Variants in HKDC1 observed in about 807,000 individuals in gnomAD.
HKDC1 encodes hexokinase HKDC1.
In HKDC1, 66 loss-of-function variants were observed where a neutral mutation model predicts 96.6. The ratio of observed to expected loss-of-function variants is 0.68; its 90% CI spans 0.56 to 0.84. The LOEUF (loss-of-function observed/expected upper bound fraction) is 0.84, where lower values mean the gene tolerates loss of function less well. Ranked by LOEUF, HKDC1 falls within the 40% of genes least tolerant of loss-of-function variation. The pLI, the probability that HKDC1 is intolerant of heterozygous loss-of-function variation, is 0.00. For missense variants in HKDC1, 1,211 were observed against 1,208.1 expected (o/e 1.00, Z -0.04); for synonymous variants, 466 against 473.1 (o/e 0.98, Z 0.20).
chr10:69,258,916 G>C lies in HKDC1; in HGVS notation c.2173G>C (p.Asp725His). 5 of 1,601,742 alleles carry C rather than the reference G, an allele frequency of 3.1e-6. No individual in the cohort carries two copies. Among genetic ancestry groups the C allele is most frequent in the Non-Finnish European group, 4.3e-6 (5 of 1,174,208 alleles). Residue 725 changes from aspartate to histidine, a missense_variant, in exon 15 of 18, where the codon GAC (aspartate) becomes CAC (histidine). Coordinates refer to ENST00000354624, the MANE Select transcript of HKDC1 (RefSeq NM_025130.4). The part of the protein sequence containing the change: ...GCIDDIWTRY[D>H]TEVDEGSLNP... ...CATAGATGACATCTGGACCCGATAC[G>C]ACACGGAGGTGGATGAGGGGTCCTT...
At position 69,265,797 on chromosome 10, in the gene HKDC1, C is replaced by G; in HGVS notation, c.2585C>G (p.Thr862Ser). Reference protein sequence around the residue: ...HLRITVGVDGTLYKLHPHFSR... With the variant: ...HLRITVGVDGSLYKLHPHFSR... ...AGGATCACTGTGGGTGTGGACGGCACCCTGTACAAGCTGCACCCTCAGTGA... is the reference window on the plus strand; with the variant it reads ...AGGATCACTGTGGGTGTGGACGGCAGCCTGTACAAGCTGCACCCTCAGTGA... The change falls in exon 17 of 18, where the codon ACC becomes AGC. Residue 862 changes from threonine (T) to serine (S), a missense_variant. Thr to Ser is a moderately conservative substitution (Grantham distance 58). Coordinates refer to ENST00000354624, the MANE Select transcript of HKDC1 (RefSeq NM_025130.4). 1 of 1,612,606 alleles carries G rather than the reference C, an allele frequency of 6.2e-7. No homozygotes were observed. The highest frequency in any genetic ancestry group is 8.5e-7 in the Non-Finnish European group (1 of 1,179,350).
At chr10:69,232,517 C>A in intron 2 of HKDC1, 1 of 530,172 alleles carries the variant, frequency 1.9e-6, no homozygotes, top group Non-Finnish European at 3.4e-6. Context: ...ATGCACATTC[C>A]TACAGCATGA....
In HKDC1 at chr10:69,232,822, G is replaced by A. The variant is rs1843288699; in HGVS notation, c.285G>A (p.Val95=). The change falls in exon 3 of 18, where the codon GTG becomes GTA. Residue 95 remains valine (V), a synonymous_variant. Transcript: ENST00000354624. ...LGGSKFRVLK[V]QVAEEGKRHV... ...GGTCCAAGTTCCGAGTGCTGAAGGTGCAAGTCGCTGAAGAGGGGAAGCGAC... is the reference window on the plus strand; with the variant it reads ...GGTCCAAGTTCCGAGTGCTGAAGGTACAAGTCGCTGAAGAGGGGAAGCGAC... 1 of 1,614,052 alleles carries A rather than the reference G, an allele frequency of 6.2e-7. No individual in the cohort carries two copies. The highest frequency in any genetic ancestry group is 1.3e-5 in the African/African-American group (1 of 74,928).
rs1355730260 is a variant in HKDC1, at chr10:69,247,418, T to A, written c.1090T>A (p.Ser364Thr). The change falls in exon 9 of 18, where the codon TCT (serine) becomes ACT (threonine). Residue 364 changes from serine to threonine, a missense_variant. Transcript: ENST00000354624. ...EILVDLGLEP[S>T]EADCIAVQHV... ...CCTGGTGGACCTGGGTCTGGAACCG[T>A]CTGAGGCTGACTGCATTGCCGTCCA... 1 of 1,613,830 alleles carries A rather than the reference T, an allele frequency of 6.2e-7. No homozygotes were observed. Among genetic ancestry groups the A allele is most frequent in the Admixed American group, 1.7e-5 (1 of 59,990 alleles).
chr10:69,253,549 C>T (rs990432989), intron 12 of HKDC1, among the ~76,000 whole-genome samples: 2 of 152,222 alleles, frequency 1.3e-5, no homozygotes, highest in African/African-American at 4.8e-5. Flanking sequence ...GATTATTTAA[C>T]TTCTCTGAGG....
In HKDC1 at chr10:69,266,762, C is replaced by T. The variant is rs776101845; in HGVS notation, c.*5C>T. 3.7e-6 allele frequency: 6 copies of T among 1,610,730 alleles called. No homozygotes were observed. The highest frequency in any genetic ancestry group is 4.2e-6 in the Non-Finnish European group (5 of 1,178,948). ...CAGGCACAGAAGGAGAACTAGGAAC[C>T]CCTGGGATTGGACCTGATGCATCTT... is the stretch of plus-strand genomic sequence containing the variant. On this transcript the variant is annotated 3_prime_UTR_variant, in exon 18 of 18. Transcript: ENST00000354624.
In HKDC1 at chr10:69,246,166, T is replaced by A. The variant is rs1362415942; in HGVS notation, c.963T>A (p.Gly321=). ...LKMAKAGLLF[G]GEKSSALHTK... Reference sequence around the variant, plus strand: ...TGGCCAAGGCTGGCCTCCTGTTTGGTGGTGAGAAATCTTCTGCTCTCCACA... The same window carrying A: ...TGGCCAAGGCTGGCCTCCTGTTTGGAGGTGAGAAATCTTCTGCTCTCCACA... The change falls in exon 8 of 18, where the codon GGT becomes GGA. Residue 321 remains glycine (G), a synonymous_variant. Transcript: ENST00000354624. 1 of 1,614,212 alleles carries A rather than the reference T, an allele frequency of 6.2e-7. No individual in the cohort carries two copies. Among genetic ancestry groups the A allele is most frequent in the South Asian group, 1.1e-5 (1 of 91,086 alleles).
intron 6 of HKDC1, 126 bp from the exon 7 acceptor site, chr10:69,243,056 C>A: frequency 1.1e-6 from 1 of 919,786 alleles, no homozygotes; most frequent in Non-Finnish European, 1.7e-6. Context: ...TCAGCGAGAG[C>A]CAGCCCCCAG....
rs1589413261 is a variant in HKDC1 at position 69,250,584 on chromosome 10, C to T, written c.1768C>T (p.Leu590Phe). The change falls in exon 12 of 18, where the codon CTC becomes TTC. Residue 590 changes from leucine to phenylalanine, a missense_variant. By Grantham distance (22) the Leu-to-Phe change is conservative. Transcript: ENST00000354624. ...CGCCGACTTCCTGGACTACATGGGC[C>T]TCAAGGGAGCCTCCCTACCTTTGGG... is the stretch of plus-strand genomic sequence containing the variant. ...CIADFLDYMGLKGASLPLGFT... is the reference protein window; with the variant it reads ...CIADFLDYMGFKGASLPLGFT... 2 of 1,614,136 alleles carry T rather than the reference C, an allele frequency of 1.2e-6. No individual in the cohort carries two copies. The highest frequency in any genetic ancestry group is 1.7e-6 in the Non-Finnish European group (2 of 1,180,014).
At chr10:69,228,545 C>A (rs549017872) in intron 2 of HKDC1, among the ~76,000 whole-genome samples, 3 of 152,254 alleles carry the variant, frequency 2.0e-5, no homozygotes, top group African/African-American at 4.8e-5. Context: ...CCATTCTCAG[C>A]CTCTGAATGA....
intron 1 of HKDC1, among the ~76,000 whole-genome samples, chr10:69,224,069 A>G (rs141190741): frequency 0.092 from 13,822 of 150,086 alleles, 704 homozygotes; most frequent in South Asian, 0.14. Flanking sequence ...TTAGCTGGGC[A>G]TGGTGGCACA....
intron 2 of HKDC1, among the ~76,000 whole-genome samples, chr10:69,231,251 C>T (rs147882943): frequency 4.6e-5 from 7 of 152,274 alleles, no homozygotes; most frequent in Non-Finnish European, 7.3e-5. Flanking sequence ...GCATTTGTCC[C>T]CAGAATCTCA....
intron 12 of HKDC1, among the ~76,000 whole-genome samples, chr10:69,254,283 C>T (rs568000748): frequency 1.8e-4 from 28 of 151,890 alleles, no homozygotes; most frequent in Admixed American, 1.2e-3. Context: ...CCAGCCTGGG[C>T]GACAGAGAAG....
intron 8 of HKDC1, 60 bp downstream of exon 8, chr10:69,246,294 G>C (rs565031020): frequency 6.3e-7 from 1 of 1,578,368 alleles, no homozygotes; most frequent in African/African-American, 1.3e-5. Flanking sequence ...CCAGGTGTGG[G>C]GTGCTCCATG....
In HKDC1 at chr10:69,227,204, C is replaced by G. The variant is rs749470174; in HGVS notation, c.64-3C>G. 3.1e-6 allele frequency: 5 copies of G among 1,614,098 alleles called. No individual in the cohort carries two copies. The highest frequency in any genetic ancestry group is 1.7e-4 in the Middle Eastern group (1 of 6,056). On this transcript the variant is annotated splice_polypyrimidine_tract_variant and splice_region_variant and intron_variant, in intron 1 of 17. Transcript: ENST00000354624. ...ACCCCTTGGTGGCCGGTGTCTGTTC[C>G]AGGTGGACAGGTTCCTGTATCACAT...
intron 12 of HKDC1, among the ~76,000 whole-genome samples, chr10:69,255,699 T>A (rs1316528103): frequency 1.3e-5 from 2 of 152,012 alleles, no homozygotes; most frequent in African/African-American, 4.8e-5. Context: ...GGTGGATCAC[T>A]TGAGGTCAGG....
In HKDC1 at chr10:69,246,200, A is replaced by G. The variant is rs1331619768; in HGVS notation, c.997A>G (p.Lys333Glu). Residue 333 changes from lysine (K) to glutamate (E), a missense_variant, in exon 8 of 18, where the codon AAG becomes GAG. Physicochemically the swap from Lys to Glu is moderately conservative, Grantham distance 56. Coordinates refer to ENST00000354624, the MANE Select transcript of HKDC1 (RefSeq NM_025130.4). ...ATCTTCTGCTCTCCACACTAAGGGC[A>G]AGATCGAAACACGGCACGTGGCTGC... is the stretch of plus-strand genomic sequence containing the variant. ...EKSSALHTKG[K>E]IETRHVAAME... The G allele has an allele frequency of 6.2e-7, 1 of 1,614,184 alleles. No individual in the cohort carries two copies. Among genetic ancestry groups the G allele is most frequent in the Non-Finnish European group, 8.5e-7 (1 of 1,180,032 alleles).
At chr10:69,254,566 C>A (rs555316369) in intron 12 of HKDC1, among the ~76,000 whole-genome samples, 23 of 152,276 alleles carry the variant, frequency 1.5e-4, no homozygotes, top group Non-Finnish European at 2.6e-4. Context: ...TGACCTTGGG[C>A]AAGTCATTTA....
chr10:69,233,733 CTAAAAA>C (rs1843313524), intron 4 of HKDC1, among the ~76,000 whole-genome samples: 1 of 151,720 alleles, frequency 6.6e-6, no homozygotes, highest in Non-Finnish European at 1.5e-5. Context: ...CCCGTCTCTA[CTAAAAA>C]TGCAAAAAAT....
Sources: allele counts gnomAD v4.1 joint callset (sites outside exome capture counted in the v4.1 genomes callset), GRCh38; gene constraint gnomAD v4.1.1; transcripts MANE v1.5; gene names NCBI Gene and HGNC (gene_info 2026-07-23, HGNC 2026-07-21).